AHSA1: variants seen among roughly 807,000 people sequenced by gnomAD.
The protein encoded by AHSA1 is activator of 90 kDa heat shock protein ATPase homolog 1.
AHSA1 carries 14 observed loss-of-function variants against 46.1 expected under a neutral mutation model. The observed-to-expected ratio is 0.30, with a 90% CI of 0.20 to 0.47. The LOEUF is 0.47. Among genes scored for constraint, AHSA1 ranks in the 20% least tolerant of loss-of-function variants. The pLI is 0.99. For synonymous variants in AHSA1, 147 were observed against 145.8 expected (o/e 1.01, Z -0.06); for missense variants, 333 against 415.9 (o/e 0.80, Z 1.73).
At position 77,468,147 on chromosome 14, in the gene AHSA1, T is replaced by C. The variant is rs1265622414; in HGVS notation, c.755T>C (p.Met252Thr). Residue 252 changes from methionine (M) to threonine (T), a missense_variant, in exon 7 of 9, where the codon ATG (methionine) becomes ACG (threonine). By Grantham distance (81) the Met-to-Thr change is moderately conservative. Coordinates refer to ENST00000216479, the MANE Select transcript of AHSA1 (RefSeq NM_012111.3). The stretch of plus-strand genomic sequence containing the variant: ...GCAGACAGAGGTGGAAAGTTCCACA[T>C]GGTAGATGGCAACGTCTCTGGGGAA... ...LEADRGGKFH[M>T]VDGNVSGEFT... 6.4e-7 allele frequency: 1 copy of C among 1,559,424 alleles called. No homozygotes were observed. Among genetic ancestry groups the C allele is most frequent in the Non-Finnish European group, 8.7e-7 (1 of 1,151,326 alleles).
rs764660743 is a variant in AHSA1 at position 77,459,756 on chromosome 14, A to G, written c.221A>G (p.Lys74Arg). 4 of 1,614,208 alleles carry G rather than the reference A, an allele frequency of 2.5e-6. No homozygotes were observed. Among genetic ancestry groups the G allele is most frequent in the Middle Eastern group, 1.6e-4 (1 of 6,062 alleles). The change falls in exon 2 of 9, where the codon AAA (lysine) becomes AGA (arginine). Residue 74 changes from lysine (K) to arginine (R), a missense_variant. Lys to Arg is a conservative substitution (Grantham distance 26). Coordinates refer to ENST00000216479, the MANE Select transcript of AHSA1 (RefSeq NM_012111.3). ...GGAGAGGCATCCATTAACAATCGCA[A>G]AGGGAAACTTATCTTCTTTTATGAA... ...LDGEASINNR[K>R]GKLIFFYEWS...
intron 1 of AHSA1, among the ~76,000 whole-genome samples, chr14:77,458,927 T>G (rs1242419263): frequency 6.6e-6 from 1 of 152,242 alleles, no homozygotes; most frequent in Non-Finnish European, 1.5e-5. Context: ...TCCACTGAAC[T>G]TTTTTCGTAA....
In AHSA1 at chr14:77,468,515, A is replaced by G; in HGVS notation, c.844+7A>G. On this transcript the variant is annotated splice_region_variant and intron_variant, in intron 8 of 8. Transcript: ENST00000216479. The stretch of plus-strand genomic sequence containing the variant: ...TTTAAATCTTGGCCAGAGGGTAAGT[A>G]AACATATTTATTGCCATTACCCCCA... 6.2e-7 allele frequency: 1 copy of G among 1,610,858 alleles called. No homozygotes were observed. Among genetic ancestry groups the G allele is most frequent in the South Asian group, 1.1e-5 (1 of 90,650 alleles).
chr14:77,463,462 T>A (rs1023863687), intron 4 of AHSA1, among the ~76,000 whole-genome samples: 3 of 151,890 alleles, frequency 2.0e-5, no homozygotes, highest in African/African-American at 7.3e-5. Flanking sequence ...GGTGCATGCT[T>A]GTAATCCCAG....
intron 6 of AHSA1, among the ~76,000 whole-genome samples, 179 bp downstream of exon 6, chr14:77,465,846 G>A (rs1320428151): frequency 2.0e-5 from 3 of 150,450 alleles, no homozygotes; most frequent in Non-Finnish European, 4.4e-5. Flanking sequence ...TTTTTGAGAC[G>A]GAGTCTCGCT....
intron 2 of AHSA1, among the ~76,000 whole-genome samples, chr14:77,460,724 G>A (rs2079018629): frequency 6.6e-6 from 1 of 151,454 alleles, no homozygotes; most frequent in South Asian, 2.1e-4. Flanking sequence ...ACCACGCCCG[G>A]CTAATTTTGT....
chr14:77,468,740 T>TTTC, intron 8 of AHSA1: 5 of 468,346 alleles, frequency 1.1e-5, no homozygotes, highest in Admixed American at 4.3e-5. Flanking sequence ...TTTTTTTTTT[T>TTTC]TTTTTACTTT....
intron 1 of AHSA1, 113 bp from the exon 2 acceptor site, chr14:77,459,503 T>C: frequency 9.2e-7 from 1 of 1,081,576 alleles, no homozygotes; most frequent in Admixed American, 2.2e-5. Flanking sequence ...ACTGGGAGTT[T>C]TTGTGTTCTT....
intron 2 of AHSA1, among the ~76,000 whole-genome samples, chr14:77,461,952 A>G (rs1203935253): frequency 6.6e-6 from 1 of 152,192 alleles, no homozygotes; most frequent in Non-Finnish European, 1.5e-5. Context: ...ACATTGTAAT[A>G]ACATAGTTGG....
intron 6 of AHSA1, among the ~76,000 whole-genome samples, chr14:77,467,846 TAAATA>T (rs1390759248): frequency 1.3e-5 from 2 of 152,192 alleles, no homozygotes; most frequent in Admixed American, 1.3e-4. Flanking sequence ...CAATTTCAAA[TAAATA>T]AAAGTAAACG....
chr14:77,469,306 T>A lies in AHSA1; in HGVS notation c.*57T>A. The A allele has an allele frequency of 5.1e-6, 8 of 1,580,322 alleles. No homozygotes were observed. Among genetic ancestry groups the A allele is most frequent in the Non-Finnish European group, 6.9e-6 (8 of 1,160,692 alleles). ...CACTTCAGTCCAGCTCTCTCCTGACTGGGGCTTGCGACTCACAGGATTGCA... is the reference window on the plus strand; with the variant it reads ...CACTTCAGTCCAGCTCTCTCCTGACAGGGGCTTGCGACTCACAGGATTGCA... On this transcript the variant is annotated 3_prime_UTR_variant, in exon 9 of 9. Coordinates refer to ENST00000216479, the MANE Select transcript of AHSA1 (RefSeq NM_012111.3).
chr14:77,465,436 T>G, intron 5 of AHSA1, 103 bp from the exon 6 acceptor site: 1 of 1,341,036 alleles, frequency 7.5e-7, no homozygotes, highest in Non-Finnish European at 1.0e-6. Context: ...CCCTTGGAGG[T>G]GAACATTTTT....
At chr14:77,467,822 T>G (rs1450514206) in intron 6 of AHSA1, among the ~76,000 whole-genome samples, 2 of 152,258 alleles carry the variant, frequency 1.3e-5, no homozygotes, top group African/African-American at 2.4e-5. Context: ...TCTTATATCT[T>G]TCTGAACCAT....
Position 77,469,285 on chromosome 14 carries a change from T to G in AHSA1, c.*36T>G. 6.2e-7 allele frequency: 1 copy of G among 1,603,084 alleles called. No individual in the cohort carries two copies. The highest frequency in any genetic ancestry group is 8.5e-7 in the Non-Finnish European group (1 of 1,173,064). ...AGGGGACTCCAGCCTGCTGGACACT[T>G]CAGTCCAGCTCTCTCCTGACTGGGG... On this transcript the variant is annotated 3_prime_UTR_variant, in exon 9 of 9. Transcript: ENST00000216479.
At position 77,459,605 on chromosome 14, in the gene AHSA1, C is replaced by T; in HGVS notation, c.81-11C>T. ...TGACTGCTGGTTCATAGCTCTGTTT[C>T]TGCTTTGCAGGACGGAGAGAGATGC... is the stretch of plus-strand genomic sequence containing the variant. On this transcript the variant is annotated splice_polypyrimidine_tract_variant and intron_variant, in intron 1 of 8. Transcript: ENST00000216479. 1 of 1,614,030 alleles carries T rather than the reference C, an allele frequency of 6.2e-7. No homozygotes were observed. Among genetic ancestry groups the T allele is most frequent in the Non-Finnish European group, 8.5e-7 (1 of 1,179,910 alleles).
chr14:77,468,959 C>T (rs1475474885), intron 8 of AHSA1, 118 bp from the exon 9 acceptor site: 1 of 1,198,002 alleles, frequency 8.3e-7, no homozygotes. Flanking sequence ...CCGCCCACCT[C>T]AGCCTGCCAA....
chr14:77,461,708 T>G (rs2079025905), intron 2 of AHSA1, among the ~76,000 whole-genome samples: 1 of 152,236 alleles, frequency 6.6e-6, no homozygotes, highest in South Asian at 2.1e-4. Context: ...GTGTGTTTTA[T>G]GTATCCTGTG....
chr14:77,468,056 T>C, intron 6 of AHSA1, 27 bp from the exon 7 acceptor site: 4 of 1,159,492 alleles, frequency 3.4e-6, no homozygotes, highest in South Asian at 1.9e-5. Flanking sequence ...TGCCTCTTTT[T>C]TTTTTTTTTT....
chr14:77,466,030 AT>A (rs1309357659), intron 6 of AHSA1, among the ~76,000 whole-genome samples: 2 of 151,870 alleles, frequency 1.3e-5, no homozygotes, highest in African/African-American at 4.8e-5. Flanking sequence ...GTTTCACCAT[AT>A]TTTTTAGTAG....
Sources: allele counts gnomAD v4.1 joint callset (sites outside exome capture counted in the v4.1 genomes callset), GRCh38; gene constraint gnomAD v4.1.1; transcripts MANE v1.5; gene names NCBI Gene and HGNC (gene_info 2026-07-23, HGNC 2026-07-21).